PLEKHA5: variants seen among roughly 807,000 people sequenced by gnomAD.
PLEKHA5 encodes the protein pleckstrin homology domain-containing family A member 5.
PLEKHA5 carries 55 observed loss-of-function variants against 181.9 expected under a neutral mutation model. The ratio of observed to expected loss-of-function variants is 0.30; its 90% confidence interval spans 0.24 to 0.38. The LOEUF (loss-of-function observed/expected upper bound fraction) is 0.38, where lower values mean the gene tolerates loss of function less well. PLEKHA5 is among the 10% of genes least tolerant of loss of function. PLEKHA5 has a pLI of 1.00. For synonymous variants in PLEKHA5, 535 were observed against 529.4 expected (o/e 1.01, Z -0.15); for missense variants, 1,432 against 1,549.5 (o/e 0.92, Z 1.27).
chr12:19,297,482 C>T (rs1378955379), intron 15 of PLEKHA5, among the ~76,000 whole-genome samples: 13 of 150,766 alleles, frequency 8.6e-5, no homozygotes, highest in African/African-American at 3.2e-4. Context: ...ATTAGCCGGG[C>T]GCGGTGGCGG....
At chr12:19,200,372 G>A (rs1031885198) in intron 3 of PLEKHA5, 2 of 1,529,162 alleles carry the variant, frequency 1.3e-6, no homozygotes, top group African/African-American at 1.4e-5. Context: ...AGATGTAATG[G>A]AAGTTCCAGT....
intron 3 of PLEKHA5, among the ~76,000 whole-genome samples, chr12:19,225,751 T>C (rs2059604623): frequency 6.6e-6 from 1 of 152,214 alleles, no homozygotes; most frequent in Admixed American, 6.5e-5. Context: ...GTTTGTCTTC[T>C]GAACAAGTTG....
chr12:19,288,077 C>CAAAAA (rs9300127), intron 13 of PLEKHA5: 20 of 185,944 alleles, frequency 1.1e-4, no homozygotes, highest in South Asian at 2.1e-4. Flanking sequence ...GACTCTGTCT[C>CAAAAA]AAAAAAAAAA....
chr12:19,266,522 G>T (rs7956392), intron 8 of PLEKHA5, among the ~76,000 whole-genome samples: 1 of 151,872 alleles, frequency 6.6e-6, no homozygotes, highest in African/African-American at 2.4e-5. Context: ...AGTGGCTCAT[G>T]CCTGTTATCC....
chr12:19,140,399 A>G (rs1346589056), intron 3 of PLEKHA5, among the ~76,000 whole-genome samples: 2 of 152,188 alleles, frequency 1.3e-5, no homozygotes, highest in Non-Finnish European at 2.9e-5. Context: ...CCCAAAAGAA[A>G]TAAAGAGGTC....
rs752855911 is a variant in PLEKHA5 at position 19,260,999 on chromosome 12, C to T, written c.588C>T (p.Asp196=). ...LWKKRWFVLS[D]LCLFYYRDEK... Reference sequence around the variant, plus strand: ...AGAAACGCTGGTTTGTGCTTTCTGACCTTTGCCTCTTTTATTATAGAGGTA... The same window carrying T: ...AGAAACGCTGGTTTGTGCTTTCTGATCTTTGCCTCTTTTATTATAGAGGTA... Residue 196 remains aspartate (D), a synonymous_variant, in exon 7 of 32, where the codon GAC becomes GAT. Coordinates refer to ENST00000429027, the MANE Select transcript of PLEKHA5 (RefSeq NM_001256470.2). 4 of 1,597,268 alleles carry T rather than the reference C, an allele frequency of 2.5e-6. No homozygotes were observed. The African/African-American group carries it at 5.4e-5, about 21-fold the overall frequency.
chr12:19,331,509 A>G (rs2092828797), intron 20 of PLEKHA5, among the ~76,000 whole-genome samples: 2 of 152,062 alleles, frequency 1.3e-5, no homozygotes, highest in Admixed American at 1.3e-4. Context: ...CCGGCCATTA[A>G]TCCTTTCTTA....
At chr12:19,260,245 C>T (rs2068058820) in intron 6 of PLEKHA5, among the ~76,000 whole-genome samples, 2 of 152,140 alleles carry the variant, frequency 1.3e-5, no homozygotes, top group South Asian at 4.2e-4. Flanking sequence ...GGAATAATTT[C>T]AATTCACATA....
rs529499382 is a variant in PLEKHA5, at chr12:19,247,892, T to A, written c.228-6048T>A. ...AAGCTCTAGAATAACAGAGTGCTTT[T>A]AAAAAAAAAATTAACTTTTAATTTA... On this transcript the variant is annotated intron_variant, in intron 3 of 31. Coordinates refer to ENST00000429027, the MANE Select transcript of PLEKHA5 (RefSeq NM_001256470.2). 2.1e-3 allele frequency among the ~76,000 whole-genome samples: 317 copies of A among 149,072 alleles called. 1 individual carries two copies. Among genetic ancestry groups the A allele is most frequent in the Non-Finnish European group, 3.2e-3 (217 of 67,156 alleles).
rs751319758 is a variant in PLEKHA5 at position 19,274,540 on chromosome 12, T to G, written c.870T>G (p.Asn290Lys). 1 of 1,605,892 alleles carries G rather than the reference T, an allele frequency of 6.2e-7. No homozygotes were observed. Among genetic ancestry groups the G allele is most frequent in the South Asian group, 1.1e-5 (1 of 90,184 alleles). ...NFRVDKITSENAPTKETNNIP... is the reference protein window; with the variant it reads ...NFRVDKITSEKAPTKETNNIP... ...GAGTGGACAAGATTACATCTGAAAA[T>G]GCACCAACTAAAGAAACCAATAACA... The change falls in exon 11 of 32, where the codon AAT becomes AAG. Residue 290 changes from asparagine to lysine, a missense_variant. Asn to Lys is a moderately conservative substitution (Grantham distance 94). This residue lies in a region of PLEKHA5 where 289 missense variants were observed against 381.1 expected (regional missense o/e 0.76). Transcript: ENST00000429027.
At chr12:19,278,302 C>G (rs1188466201) in intron 11 of PLEKHA5, among the ~76,000 whole-genome samples, 5 of 152,128 alleles carry the variant, frequency 3.3e-5, no homozygotes, top group South Asian at 4.1e-4. Context: ...GTCTCTACAA[C>G]AGGGTCCAAC....
chr12:19,159,639 C>T lies in PLEKHA5; in HGVS notation c.227+27189C>T, dbSNP rs181917556. Among the ~76,000 whole-genome samples, 261 of 152,212 alleles carry T rather than the reference C, an allele frequency of 1.7e-3. 1 individual carries two copies. Among genetic ancestry groups the T allele is most frequent in the Non-Finnish European group, 3.2e-3 (216 of 67,958 alleles). On this transcript the variant is annotated intron_variant, in intron 3 of 31. Transcript: ENST00000429027. ...ATTACTTTCATGTATGAATAACATA[C>T]ATTTTAAACTTTTAAATGTCTTTTC...
At chr12:19,268,676 T>C (rs1247500672) in intron 8 of PLEKHA5, among the ~76,000 whole-genome samples, 1 of 152,184 alleles carries the variant, frequency 6.6e-6, no homozygotes, top group Non-Finnish European at 1.5e-5. Flanking sequence ...TCCATTTGAC[T>C]GATGGCGAGC....
rs1341660919 is a variant in PLEKHA5 at position 19,233,018 on chromosome 12, G to A, written c.228-20922G>A. Among the ~76,000 whole-genome samples the A allele has an allele frequency of 2.0e-5, 3 of 152,126 alleles. No individual in the cohort carries two copies. In the South Asian group the frequency reaches 6.2e-4, roughly 32 times the overall value. On this transcript the variant is annotated intron_variant, in intron 3 of 31. Transcript: ENST00000429027. ...TACCTCAGGTAATCATTAGGTGTGA[G>A]AGTTTAATTTCTGTAAGCTGATTTA... is the stretch of plus-strand genomic sequence containing the variant.
chr12:19,279,030 A>G (rs2075363482), intron 11 of PLEKHA5, among the ~76,000 whole-genome samples: 1 of 152,296 alleles, frequency 6.6e-6, no homozygotes, highest in East Asian at 1.9e-4. Flanking sequence ...CTCTAGAATA[A>G]GTTTATGATG....
At chr12:19,360,765 C>T (rs1319163720) in intron 28 of PLEKHA5, among the ~76,000 whole-genome samples, 2 of 151,482 alleles carry the variant, frequency 1.3e-5, no homozygotes, top group Non-Finnish European at 2.9e-5. Flanking sequence ...TGCACCATCT[C>T]TTTTTTTTGA....
Position 19,306,662 on chromosome 12 carries a change from C to T in PLEKHA5, c.2038-8152C>T, listed in dbSNP as rs148007721. 28 of 1,443,472 alleles carry T rather than the reference C, an allele frequency of 1.9e-5. 1 individual carries two copies. The African/African-American group carries it at 3.7e-4, about 19-fold the overall frequency. 89.4% of individuals were successfully genotyped at this position (1,443,472 alleles called of 1,614,324 possible). A position where few individuals can be genotyped will look rare whatever the true frequency, so the allele number is the denominator to read the frequency against. Reference sequence around the variant, plus strand: ...CATCGAGGTAATAGGTGACTGATCTCCCCGGGCGCTAGCTCTGAGCAGATG... The same window carrying T: ...CATCGAGGTAATAGGTGACTGATCTTCCCGGGCGCTAGCTCTGAGCAGATG... On this transcript the variant is annotated intron_variant, in intron 15 of 31. Transcript: ENST00000429027.
intron 26 of PLEKHA5, among the ~76,000 whole-genome samples, chr12:19,354,209 TGGCGC>T (rs2094783529): frequency 7.5e-6 from 1 of 132,720 alleles, no homozygotes; most frequent in Non-Finnish European, 1.6e-5. Context: ...TGGAGTGCTG[TGGCGC>T]GATCTCGGCT....
chr12:19,311,120 C>G (rs540304304), intron 15 of PLEKHA5, among the ~76,000 whole-genome samples: 1 of 152,056 alleles, frequency 6.6e-6, no homozygotes, highest in Admixed American at 6.6e-5. Flanking sequence ...AACATATTGC[C>G]CGTCGTAGAA....
Sources: gnomAD v4.1 joint callset for allele counts (sites outside exome capture counted in the v4.1 genomes callset) on GRCh38, gnomAD v4.1.1 for gene constraint, gnomAD v4.1.1 regional missense constraint, MANE v1.5 for transcripts, NCBI Gene and HGNC (gene_info 2026-07-23, HGNC 2026-07-21) for gene names.